Variants in IL1RAPL2 observed in about 807,000 individuals in gnomAD.
IL1RAPL2 encodes the protein X-linked interleukin-1 receptor accessory protein-like 2.
Under a neutral mutation model 44.1 loss-of-function variants are expected in IL1RAPL2, and 3 were observed. The observed-to-expected ratio is 0.07, with a 90% CI of 0.03 to 0.18. IL1RAPL2 has a LOEUF of 0.18. Among genes scored for constraint, IL1RAPL2 ranks in the 10% least tolerant of loss-of-function variants. IL1RAPL2 has a pLI of 1.00. For missense variants in IL1RAPL2, 391 were observed against 496.4 expected (o/e 0.79, Z 2.02); for synonymous variants, 181 against 178.8 (o/e 1.01, Z -0.10).
intron 2 of IL1RAPL2, among the ~76,000 whole-genome samples, chrX:105,045,183 CAAAG>C (rs1472170570): frequency 9.0e-6 from 1 of 110,697 alleles, no homozygotes; most frequent in Non-Finnish European, 1.9e-5. Context: ...GTCATACAAG[CAAAG>C]AAAGGTAATC....
chrX:105,435,227 G>GT (rs916690439), intron 5 of IL1RAPL2, among the ~76,000 whole-genome samples: 1 of 111,724 alleles, frequency 9.0e-6, no homozygotes, highest in Admixed American at 9.5e-5. Context: ...ATTTAAAGTA[G>GT]TTTTTTCTAA....
intron 2 of IL1RAPL2, among the ~76,000 whole-genome samples, chrX:105,133,021 T>G (rs2033042791): frequency 8.9e-6 from 1 of 112,296 alleles, no homozygotes; most frequent in African/African-American, 3.2e-5. Context: ...TCACTTTCCC[T>G]ATTTCACTGG....
Position 104,840,855 on chromosome X carries a change from T to A in IL1RAPL2, c.82+181860T>A, listed in dbSNP as rs185020844. Reference sequence around the variant, plus strand: ...ACACCCAGTTATTATTTATTTATTTTTTTTTTGTATTTTTAGTAGAGATAG... The same window carrying A: ...ACACCCAGTTATTATTTATTTATTTATTTTTTGTATTTTTAGTAGAGATAG... On this transcript the variant is annotated intron_variant, in intron 2 of 10. Coordinates refer to ENST00000372582, the MANE Select transcript of IL1RAPL2 (RefSeq NM_017416.2). Among the ~76,000 whole-genome samples, 907 of 109,188 alleles carry A rather than the reference T, an allele frequency of 8.3e-3. 8 individuals carry two copies. The highest frequency in any genetic ancestry group is 0.027 in the African/African-American group (815 of 29,740). 94.8% of individuals were successfully genotyped at this position (109,188 alleles called of 115,157 possible). A position where few individuals can be genotyped will look rare whatever the true frequency, so the allele number is the denominator to read the frequency against.
intron 2 of IL1RAPL2, among the ~76,000 whole-genome samples, chrX:105,084,480 G>A (rs766617980): frequency 8.9e-6 from 1 of 112,984 alleles, no homozygotes; most frequent in South Asian, 3.6e-4. Flanking sequence ...AATATTTAGT[G>A]AGTGCCTCAC....
intron 5 of IL1RAPL2, among the ~76,000 whole-genome samples, chrX:105,341,614 G>T (rs191908875): frequency 2.2e-3 from 247 of 111,852 alleles, no homozygotes; most frequent in Non-Finnish European, 3.6e-3. Flanking sequence ...AACCTTATGA[G>T]AACTGCTAGC....
rs758928778 is a variant in IL1RAPL2, at chrX:104,575,279, C to A, written c.-20+8228C>A. Among the ~76,000 whole-genome samples the A allele has an allele frequency of 1.3e-4, 14 of 110,882 alleles. No individual in the cohort carries two copies. The South Asian group carries it at 4.9e-3, about 39-fold the overall frequency. ...ATATAATAATAAAGATAAATTGGAACAAACAAACAATTGTAATATTTGATA... is the reference window on the plus strand; with the variant it reads ...ATATAATAATAAAGATAAATTGGAAAAAACAAACAATTGTAATATTTGATA... On this transcript the variant is annotated intron_variant, in intron 1 of 10. Coordinates refer to ENST00000372582, the MANE Select transcript of IL1RAPL2 (RefSeq NM_017416.2).
chrX:105,635,955 A>G (rs1443771859), intron 6 of IL1RAPL2, among the ~76,000 whole-genome samples: 2 of 111,274 alleles, frequency 1.8e-5, no homozygotes, highest in Non-Finnish European at 3.8e-5. Flanking sequence ...GGTTATGGCT[A>G]TCAACTTATT....
intron 6 of IL1RAPL2, among the ~76,000 whole-genome samples, chrX:105,631,535 C>T (rs888690888): frequency 6.2e-5 from 7 of 112,070 alleles, no homozygotes; most frequent in Admixed American, 2.8e-4. Context: ...TTTTCAGAAA[C>T]GAATAAACAA....
chrX:105,140,480 C>T (rs2033116323), intron 2 of IL1RAPL2, among the ~76,000 whole-genome samples: 1 of 106,787 alleles, frequency 9.4e-6, no homozygotes, highest in Non-Finnish European at 1.9e-5. Flanking sequence ...TGGCACAAAG[C>T]AGCCCTGGTC....
At chrX:104,764,858 C>A (rs1385845984) in intron 2 of IL1RAPL2, among the ~76,000 whole-genome samples, 2 of 112,157 alleles carry the variant, frequency 1.8e-5, no homozygotes, top group African/African-American at 6.5e-5. Context: ...GTATCACATT[C>A]ATTCATTTGC....
chrX:105,673,826 A>G (rs369687652), intron 6 of IL1RAPL2, among the ~76,000 whole-genome samples: 3 of 111,890 alleles, frequency 2.7e-5, no homozygotes, highest in East Asian at 5.7e-4. Context: ...CCTCGCCAGT[A>G]TCTGTTGTTT....
At chrX:105,055,160 G>A (rs1459837002) in intron 2 of IL1RAPL2, among the ~76,000 whole-genome samples, 1 of 112,030 alleles carries the variant, frequency 8.9e-6, no homozygotes, top group Non-Finnish European at 1.9e-5. Flanking sequence ...GGCACTGGCA[G>A]ATTTGGTGTC....
intron 5 of IL1RAPL2, among the ~76,000 whole-genome samples, chrX:105,274,018 C>T (rs1371469723): frequency 8.9e-6 from 1 of 111,844 alleles, no homozygotes; most frequent in Non-Finnish European, 1.9e-5. Context: ...GCTTTTTAAT[C>T]ACCACCAGGC....
intron 6 of IL1RAPL2, among the ~76,000 whole-genome samples, chrX:105,617,994 A>T: frequency 1.8e-5 from 2 of 110,979 alleles, no homozygotes; most frequent in Non-Finnish European, 3.8e-5. Context: ...ATTATTAACC[A>T]GAGAAGTCTT....
intron 6 of IL1RAPL2, among the ~76,000 whole-genome samples, chrX:105,626,550 G>A (rs1386905677): frequency 9.0e-6 from 1 of 110,984 alleles, no homozygotes; most frequent in Non-Finnish European, 1.9e-5. Context: ...TTGTATGGAA[G>A]ATTTTAAATA....
At position 104,660,581 on chromosome X, in the gene IL1RAPL2, A is replaced by AT. The variant is rs1186005367; in HGVS notation, c.82+1586_82+1587insT. 2.2e-4 allele frequency among the ~76,000 whole-genome samples: 17 copies of AT among 76,001 alleles called. No individual in the cohort carries two copies. The Middle Eastern group carries it at 0.018, about 80-fold the overall frequency. The allele number at this position is 76,001 out of a possible 115,157, so 66.0% of individuals were successfully genotyped here. A position where few individuals can be genotyped will look rare whatever the true frequency, so the allele number is the denominator to read the frequency against. On this transcript the variant is annotated intron_variant, in intron 2 of 10. Transcript: ENST00000372582. Reference sequence around the variant, plus strand: ...ATATATTTATATATATAAAATATATAAATATATATATACACACAAATATAT... The same window carrying AT: ...ATATATTTATATATATAAAATATATATAATATATATATACACACAAATATAT...
intron 1 of IL1RAPL2, among the ~76,000 whole-genome samples, chrX:104,581,848 A>C (rs1405472173): frequency 1.8e-5 from 2 of 111,058 alleles, no homozygotes; most frequent in African/African-American, 3.3e-5. Flanking sequence ...CTTTCAGATA[A>C]AAATTTTTTC....
chrX:104,718,138 T>C (rs953217396), intron 2 of IL1RAPL2, among the ~76,000 whole-genome samples: 3 of 110,843 alleles, frequency 2.7e-5, no homozygotes, highest in African/African-American at 9.8e-5. Context: ...GATGGCTGGG[T>C]CAAATGGAAT....
intron 6 of IL1RAPL2, among the ~76,000 whole-genome samples, chrX:105,523,901 G>C (rs994573989): frequency 9.9e-5 from 11 of 111,108 alleles, no homozygotes; most frequent in African/African-American, 3.6e-4. Flanking sequence ...CTCCTACCCA[G>C]TTCAGTATAT....
Sources: gnomAD v4.1 joint callset for allele counts (sites outside exome capture counted in the v4.1 genomes callset) on GRCh38, gnomAD v4.1.1 for gene constraint, MANE v1.5 for transcripts, NCBI Gene and HGNC (gene_info 2026-07-23, HGNC 2026-07-21) for gene names.